The following PXDNL variants were observed in gnomAD, a reference collection of about 807,000 sequenced individuals.
PXDNL encodes the protein peroxidasin like, also known as probable oxidoreductase PXDNL.
PXDNL carries 145 observed loss-of-function variants against 150.8 expected under a neutral mutation model. The observed-to-expected ratio is 0.96, with a 90% CI of 0.84 to 1.10. The LOEUF is 1.10. Ranked by LOEUF, PXDNL falls within the 50% of genes least tolerant of loss-of-function variation. The pLI, the probability that PXDNL is intolerant of heterozygous loss-of-function variation, is 0.00. For missense variants in PXDNL, 2,087 were observed against 1,873.9 expected, an observed-to-expected ratio of 1.11 and a Z score of -2.10; for synonymous variants, 757 against 725.7, an observed-to-expected ratio of 1.04 and a Z score of -0.69.
intron 17 of PXDNL, among the ~76,000 whole-genome samples, chr8:51,378,385 C>T (rs1444618295): frequency 2.6e-5 from 4 of 152,206 alleles, no homozygotes; most frequent in Admixed American, 2.0e-4. Flanking sequence ...TCTAGCTAAT[C>T]TAGTGAGGAC....
chr8:51,611,475 T>C (rs1243229618), intron 2 of PXDNL, among the ~76,000 whole-genome samples: 3 of 152,222 alleles, frequency 2.0e-5, no homozygotes, highest in Admixed American at 6.5e-5. Context: ...GATTAAACAC[T>C]TTTTTGTGTA....
At chr8:51,588,359 G>A (rs1037335041) in intron 3 of PXDNL, among the ~76,000 whole-genome samples, 1 of 152,150 alleles carries the variant, frequency 6.6e-6, no homozygotes, top group African/African-American at 2.4e-5. Context: ...GTGGGTACAT[G>A]AATGTGTTCA....
chr8:51,467,705 G>A (rs7831742), intron 8 of PXDNL, among the ~76,000 whole-genome samples: 31,238 of 151,868 alleles, frequency 0.21, 4,327 homozygotes, highest in African/African-American at 0.39. Flanking sequence ...CTTCTAATGG[G>A]TCTCAAAGTT....
At chr8:51,393,773 C>T (rs976433376) in intron 17 of PXDNL, among the ~76,000 whole-genome samples, 1 of 152,196 alleles carries the variant, frequency 6.6e-6, no homozygotes, top group East Asian at 1.9e-4. Flanking sequence ...AAGAAGGGGC[C>T]CCAGCGAAGG....
intron 3 of PXDNL, among the ~76,000 whole-genome samples, chr8:51,580,077 T>C (rs1036847400): frequency 6.6e-5 from 10 of 151,856 alleles, no homozygotes; most frequent in African/African-American, 2.4e-4. Context: ...ATATATTTTA[T>C]GTTTCCATTT....
intron 20 of PXDNL, among the ~76,000 whole-genome samples, chr8:51,343,780 A>G (rs1156404908): frequency 6.6e-6 from 1 of 152,168 alleles, no homozygotes; most frequent in Non-Finnish European, 1.5e-5. Context: ...TCCGGTACCC[A>G]CTTCTGATGA....
chr8:51,675,792 C>CAAAAAAAAA lies in PXDNL; in HGVS notation c.165-21041_165-21033dup, dbSNP rs71550280. Among the ~76,000 whole-genome samples, 5 of 93,240 alleles carry CAAAAAAAAA rather than the reference C, an allele frequency of 5.4e-5. 1 individual carries two copies. Among genetic ancestry groups the CAAAAAAAAA allele is most frequent in the Non-Finnish European group, 1.0e-4 (5 of 50,126 alleles). 61.2% of individuals were successfully genotyped at this position (93,240 alleles called of 152,430 possible). Reference sequence around the variant, plus strand: ...TGGGCGACACAGCAAGGCTCCGTCTCAAAAAAAAAAAAAAAAAAATTGCCC... The same window carrying CAAAAAAAAA: ...TGGGCGACACAGCAAGGCTCCGTCTCAAAAAAAAAAAAAAAAAAAAAAAAAAAATTGCCC... On this transcript the variant is annotated intron_variant, in intron 1 of 22. Coordinates refer to ENST00000356297, the MANE Select transcript of PXDNL (RefSeq NM_144651.5).
chr8:51,419,495 A>G (rs1027090335), intron 14 of PXDNL, among the ~76,000 whole-genome samples: 3 of 152,216 alleles, frequency 2.0e-5, no homozygotes, highest in Admixed American at 6.5e-5. Context: ...AAGAAAATCA[A>G]TTCCAGTTAT....
At chr8:51,380,590 A>C (rs937923082) in intron 17 of PXDNL, among the ~76,000 whole-genome samples, 1 of 152,214 alleles carries the variant, frequency 6.6e-6, no homozygotes, top group African/African-American at 2.4e-5. Flanking sequence ...ATTCCCATTT[A>C]CTACATAGAG....
At chr8:51,394,073 A>G (rs1807998087) in intron 17 of PXDNL, among the ~76,000 whole-genome samples, 1 of 152,212 alleles carries the variant, frequency 6.6e-6, no homozygotes, top group Non-Finnish European at 1.5e-5. Context: ...GGGAAAGTTA[A>G]CACCAGCTCA....
intron 1 of PXDNL, among the ~76,000 whole-genome samples, chr8:51,665,511 A>G (rs1815365335): frequency 6.6e-6 from 1 of 152,190 alleles, no homozygotes; most frequent in Admixed American, 6.6e-5. Context: ...CACCCAACAC[A>G]GGCAAACTGC....
intron 1 of PXDNL, among the ~76,000 whole-genome samples, chr8:51,706,614 G>A (rs1233070870): frequency 6.6e-6 from 1 of 152,158 alleles, no homozygotes; most frequent in Non-Finnish European, 1.5e-5. Context: ...TGCAAATGAA[G>A]GAGTAACAGG....
At chr8:51,329,496 C>T (rs747892064) in intron 21 of PXDNL, among the ~76,000 whole-genome samples, 9 of 152,036 alleles carry the variant, frequency 5.9e-5, no homozygotes, top group Non-Finnish European at 8.8e-5. Flanking sequence ...ATTTACAAGG[C>T]GTGCTCCAAA....
chr8:51,351,178 A>G (rs2915464), intron 19 of PXDNL, among the ~76,000 whole-genome samples: 113,786 of 151,604 alleles, frequency 0.75, 43,071 homozygotes, highest in East Asian at 0.94. Flanking sequence ...TGATACAAAC[A>G]CATTTTTATG....
intron 2 of PXDNL, among the ~76,000 whole-genome samples, chr8:51,607,853 A>G (rs1264160832): frequency 3.1e-5 from 2 of 64,322 alleles, no homozygotes; most frequent in African/African-American, 1.4e-4. Context: ...AAAAAGGAAG[A>G]GAGGAAGGAA....
intron 4 of PXDNL, among the ~76,000 whole-genome samples, chr8:51,527,174 T>C (rs918996529): frequency 2.6e-5 from 4 of 152,216 alleles, no homozygotes; most frequent in Non-Finnish European, 4.4e-5. Context: ...TCTGTCCTCC[T>C]GATCAGCCAG....
chr8:51,758,063 AAAT>A (rs1416731919), intron 1 of PXDNL, among the ~76,000 whole-genome samples: 2 of 152,194 alleles, frequency 1.3e-5, no homozygotes, highest in Non-Finnish European at 2.9e-5. Flanking sequence ...AGGCAAATGT[AAAT>A]AATAATGTCA....
intron 1 of PXDNL, among the ~76,000 whole-genome samples, chr8:51,755,585 C>T (rs2037092286): frequency 6.6e-6 from 1 of 152,204 alleles, no homozygotes; most frequent in South Asian, 2.1e-4. Flanking sequence ...AGCCGCCATG[C>T]TCGGCCTATT....
intron 1 of PXDNL, among the ~76,000 whole-genome samples, chr8:51,789,492 A>C (rs992410360): frequency 1.3e-5 from 2 of 152,132 alleles, no homozygotes; most frequent in African/African-American, 4.8e-5. Context: ...ATATAGAGGG[A>C]GAAAAAAAGG....
Sources: allele counts gnomAD v4.1 joint callset (sites outside exome capture counted in the v4.1 genomes callset), GRCh38; gene constraint gnomAD v4.1.1; transcripts MANE v1.5; gene names NCBI Gene and HGNC (gene_info 2026-07-23, HGNC 2026-07-21).